Variants in PIK3C2G observed in about 807,000 individuals in gnomAD.
The protein encoded by PIK3C2G is phosphatidylinositol-4-phosphate 3-kinase catalytic subunit type 2 gamma.
In PIK3C2G, 168 loss-of-function variants were observed where a neutral mutation model predicts 181.1. The ratio of observed to expected loss-of-function variants is 0.93; its 90% CI spans 0.82 to 1.05. The LOEUF (loss-of-function observed/expected upper bound fraction) is 1.05. Ranked by LOEUF, PIK3C2G falls within the 50% of genes least tolerant of loss-of-function variation. The pLI, the probability that PIK3C2G is intolerant of heterozygous loss-of-function variation, is 0.00. For synonymous variants in PIK3C2G, 573 were observed against 592.2 expected (o/e 0.97, Z 0.47); for missense variants, 1,869 against 1,732.8 (o/e 1.08, Z -1.40).
At chr12:18,523,511 A>G (rs1210387786) in intron 24 of PIK3C2G, among the ~76,000 whole-genome samples, 3 of 152,198 alleles carry the variant, frequency 2.0e-5, no homozygotes, top group South Asian at 2.1e-4. Context: ...ATAGGTAATT[A>G]CTGATCTGTA....
upstream of PIK3C2G, among the ~76,000 whole-genome samples, chr12:18,256,768 ATC>A (rs779928655): frequency 3.2e-4 from 49 of 152,156 alleles, no homozygotes; most frequent in Non-Finnish European, 6.6e-4. Context: ...AGCCTGCAAT[ATC>A]TGTGTTCTCT....
the PIK3C2G span, among the ~76,000 whole-genome samples, chr12:18,661,343 G>GAA: frequency 1.4e-3 from 209 of 151,032 alleles, no homozygotes; most frequent in Non-Finnish European, 2.3e-3. Context: ...CCCGTACCAA[G>GAA]ACATTATAAT....
At chr12:18,324,344 T>A (rs769951482) in intron 7 of PIK3C2G, among the ~76,000 whole-genome samples, 2 of 152,292 alleles carry the variant, frequency 1.3e-5, no homozygotes, top group Non-Finnish European at 2.9e-5. Flanking sequence ...AAAGTGATAA[T>A]GTAGAAAAAT....
At chr12:18,310,867 T>C (rs1950607910) in intron 5 of PIK3C2G, among the ~76,000 whole-genome samples, 1 of 151,932 alleles carries the variant, frequency 6.6e-6, no homozygotes, top group African/African-American at 2.4e-5. Context: ...AGTCAAAGAC[T>C]CAAAAATGAA....
chr12:18,594,409 A>T (rs752783687), intron 29 of PIK3C2G, 85 bp from the exon 30 acceptor site: 14 of 720,298 alleles, frequency 1.9e-5, no homozygotes, highest in Admixed American at 3.6e-5. Context: ...TTTTAAAATG[A>T]TATATATGGC....
chr12:18,359,405 C>T (rs948477458), intron 11 of PIK3C2G, among the ~76,000 whole-genome samples: 2 of 152,190 alleles, frequency 1.3e-5, no homozygotes, highest in Non-Finnish European at 2.9e-5. Flanking sequence ...AATATGTATT[C>T]TGCTCCTGCT....
chr12:18,367,510 A>C (rs1941723851), intron 12 of PIK3C2G, among the ~76,000 whole-genome samples: 1 of 152,170 alleles, frequency 6.6e-6, no homozygotes, highest in Non-Finnish European at 1.5e-5. Flanking sequence ...TCACAGTGTC[A>C]TAAAGATACT....
At chr12:18,244,839 T>A (rs1948023174), upstream of PIK3C2G, among the ~76,000 whole-genome samples, 1 of 152,174 alleles carries the variant, frequency 6.6e-6, no homozygotes, top group African/African-American at 2.4e-5. Flanking sequence ...ATACATAATA[T>A]TGGTGGCATC....
chr12:18,399,598 T>C (rs1944124578), intron 15 of PIK3C2G, 61 bp from the exon 16 acceptor site: 5 of 1,028,882 alleles, frequency 4.9e-6, no homozygotes, highest in Non-Finnish European at 7.0e-6. Flanking sequence ...TGCATATTTA[T>C]AGCAACATTT....
At chr12:18,247,391 C>T (rs939160163), upstream of PIK3C2G, among the ~76,000 whole-genome samples, 2 of 152,070 alleles carry the variant, frequency 1.3e-5, no homozygotes, top group East Asian at 1.9e-4. Context: ...GTGCCAGAGA[C>T]ATTTAGGACA....
intron 25 of PIK3C2G, among the ~76,000 whole-genome samples, chr12:18,543,397 A>G (rs1256996681): frequency 6.6e-6 from 1 of 152,014 alleles, no homozygotes; most frequent in East Asian, 1.9e-4. Flanking sequence ...AAGTTTAATT[A>G]GATCCCACCT....
At chr12:18,709,023 G>C in the PIK3C2G span, among the ~76,000 whole-genome samples, 2 of 152,004 alleles carry the variant, frequency 1.3e-5, no homozygotes, top group Non-Finnish European at 2.9e-5. Context: ...GTTTGATGTA[G>C]TCCCAGTTAT....
At chr12:18,331,798 T>C (rs1462120797) in intron 8 of PIK3C2G, among the ~76,000 whole-genome samples, 2 of 152,136 alleles carry the variant, frequency 1.3e-5, no homozygotes, top group African/African-American at 4.8e-5. Context: ...GGTTATGTTA[T>C]AATATAAAAA....
At chr12:18,485,248 C>T (rs1366821058) in intron 18 of PIK3C2G, among the ~76,000 whole-genome samples, 1 of 152,170 alleles carries the variant, frequency 6.6e-6, no homozygotes, top group Non-Finnish European at 1.5e-5. Flanking sequence ...TATGAACTAT[C>T]TGTACTTTTC....
intron 24 of PIK3C2G, among the ~76,000 whole-genome samples, chr12:18,525,808 T>A (rs1943193957): frequency 6.6e-6 from 1 of 152,158 alleles, no homozygotes; most frequent in African/African-American, 2.4e-5. Context: ...ACATAGAAAA[T>A]GATTCCAGAA....
the PIK3C2G span, among the ~76,000 whole-genome samples, chr12:18,664,089 C>A: frequency 6.6e-6 from 1 of 152,022 alleles, no homozygotes; most frequent in East Asian, 1.9e-4. Context: ...AAAAACCAAA[C>A]CAGACAAACA....
intron 1 of PIK3C2G, among the ~76,000 whole-genome samples, chr12:18,262,126 C>T (rs1400914072): frequency 6.6e-6 from 1 of 152,064 alleles, no homozygotes. Flanking sequence ...CATTTCCTCC[C>T]TCTGTGCTGC....
At chr12:18,370,854 A>G (rs1333557920) in intron 12 of PIK3C2G, among the ~76,000 whole-genome samples, 2 of 151,852 alleles carry the variant, frequency 1.3e-5, no homozygotes, top group Admixed American at 6.6e-5. Context: ...GCCTCCTCCA[A>G]CTCCCTAACA....
At chr12:18,709,572 T>A in the PIK3C2G span, among the ~76,000 whole-genome samples, 167 of 152,170 alleles carry the variant, frequency 1.1e-3, no homozygotes, top group African/African-American at 4.0e-3. Context: ...GGAATTTTGA[T>A]AAGAATTGCA....
Sources: allele counts gnomAD v4.1 joint callset (sites outside exome capture counted in the v4.1 genomes callset), GRCh38; gene constraint gnomAD v4.1.1; transcripts MANE v1.5; gene names NCBI Gene and HGNC (gene_info 2026-07-23, HGNC 2026-07-21).